Variants in AGTRAP observed in about 807,000 individuals in gnomAD.
AGTRAP encodes angiotensin II receptor associated protein.
Under a neutral mutation model 15.2 loss-of-function variants are expected in AGTRAP, and 7 were observed. The ratio of observed to expected loss-of-function variants is 0.46; its 90% CI spans 0.26 to 0.87. The LOEUF (loss-of-function observed/expected upper bound fraction) is 0.87, where lower values mean the gene tolerates loss of function less well. Among genes scored for constraint, AGTRAP ranks in the 40% least tolerant of loss-of-function variants. AGTRAP has a pLI of 0.15. For synonymous variants in AGTRAP, 74 were observed against 89.6 expected, an observed-to-expected ratio of 0.83 and a Z score of 0.98; for missense variants, 187 against 213.4, an observed-to-expected ratio of 0.88 and a Z score of 0.77.
rs1197685417 is a variant in AGTRAP, at chr1:11,750,326, G to T, written c.*134G>T. ...CCAGCTCAGGGATTGCCTGAACCAA[G>T]AGGCCAGGAGCCCCCATGGGCCGCC... On this transcript the variant is annotated 3_prime_UTR_variant, in exon 5 of 5. Transcript: ENST00000314340. The T allele has an allele frequency of 1.4e-5, 12 of 849,518 alleles. No individual in the cohort carries two copies. The highest frequency in any genetic ancestry group is 2.3e-5 in the Non-Finnish European group (12 of 521,416). 52.6% of individuals were successfully genotyped at this position (849,518 alleles called of 1,614,324 possible). A position where few individuals can be genotyped will look rare whatever the true frequency, so the allele number is the denominator to read the frequency against.
At chr1:11,744,195 A>T (rs1642104325) in intron 1 of AGTRAP, among the ~76,000 whole-genome samples, 1 of 152,166 alleles carries the variant, frequency 6.6e-6, no homozygotes. Context: ...GGATCACTTA[A>T]GCCCAGGAGT....
At chr1:11,749,472 A>G (rs1175651842) in intron 4 of AGTRAP, among the ~76,000 whole-genome samples, 1 of 152,184 alleles carries the variant, frequency 6.6e-6, no homozygotes, top group Non-Finnish European at 1.5e-5. Flanking sequence ...CAGATGAGGA[A>G]ACTGAGGCCC....
intron 1 of AGTRAP, among the ~76,000 whole-genome samples, chr1:11,741,408 G>A (rs544784284): frequency 6.6e-6 from 1 of 152,324 alleles, no homozygotes; most frequent in East Asian, 1.9e-4. Flanking sequence ...TACTGAGAGC[G>A]CAGCTCCGAA....
Position 11,750,411 on chromosome 1 carries a change from C to T in AGTRAP, c.*219C>T, listed in dbSNP as rs539371108. ...AGGCCTCCCCTCCCTTCAGGGCACC[C>T]ACTGGTTCCCAGGCTGGAACCAGGG... On this transcript the variant is annotated 3_prime_UTR_variant, in exon 5 of 5. Transcript: ENST00000314340. 90 of 613,610 alleles carry T rather than the reference C, an allele frequency of 1.5e-4. No homozygotes were observed. The South Asian group carries it at 1.6e-3, about 11-fold the overall frequency. 38.0% of individuals were successfully genotyped at this position (613,610 alleles called of 1,614,324 possible).
intron 1 of AGTRAP, among the ~76,000 whole-genome samples, chr1:11,743,238 GTCTTT>G (rs1483751920): frequency 1.3e-4 from 19 of 151,810 alleles, no homozygotes; most frequent in Admixed American, 2.0e-4. Context: ...CAAGGCATCT[GTCTTT>G]TCTTTTCTTT....
intron 1 of AGTRAP, among the ~76,000 whole-genome samples, chr1:11,743,516 G>A (rs1642083528): frequency 6.6e-6 from 1 of 151,616 alleles, no homozygotes; most frequent in Non-Finnish European, 1.5e-5. Flanking sequence ...ACAGTGCTGG[G>A]ATTACAGGGG....
chr1:11,741,892 G>C (rs1026708003), intron 1 of AGTRAP, among the ~76,000 whole-genome samples: 2 of 152,184 alleles, frequency 1.3e-5, no homozygotes, highest in East Asian at 3.8e-4. Flanking sequence ...TCAGAGTCTC[G>C]AGATCTTAAA....
At chr1:11,747,616 C>T in intron 3 of AGTRAP, 71 bp downstream of exon 3, 1 of 1,477,768 alleles carries the variant, frequency 6.8e-7, no homozygotes, top group East Asian at 2.3e-5. Context: ...CCTGGCTCTG[C>T]TACCCCGTCC....
intron 2 of AGTRAP, chr1:11,746,192 A>G (rs752558577): frequency 1.9e-6 from 3 of 1,612,902 alleles, no homozygotes; most frequent in Non-Finnish European, 2.5e-6. Context: ...GCACTTTGCA[A>G]ACTTCGAAGT....
chr1:11,750,457 C>T lies in AGTRAP; in HGVS notation c.*265C>T. ...CAGGGTCTCTCTTTACCTCCTACCC[C>T]ATGGTGGCACCACAGAGGCCCTCAG... On this transcript the variant is annotated 3_prime_UTR_variant, in exon 5 of 5. Transcript: ENST00000314340. The T allele has an allele frequency of 1.7e-6, 1 of 596,680 alleles. No homozygotes were observed. Among genetic ancestry groups the T allele is most frequent in the South Asian group, 2.0e-5 (1 of 49,532 alleles). The allele number at this position is 596,680 out of a possible 1,614,324, so 37.0% of individuals were successfully genotyped here.
chr1:11,748,266 C>T (rs1386905757), intron 3 of AGTRAP, 149 bp from the exon 4 acceptor site: 32 of 892,052 alleles, frequency 3.6e-5, no homozygotes, highest in Non-Finnish European at 4.9e-5. Flanking sequence ...AGCGGCTCCC[C>T]AGCGGGGCCC....
chr1:11,737,418 G>A (rs1401673767), intron 1 of AGTRAP, among the ~76,000 whole-genome samples: 1 of 152,206 alleles, frequency 6.6e-6, no homozygotes, highest in Non-Finnish European at 1.5e-5. Context: ...TGAGGGATTT[G>A]CTTAAAATAA....
chr1:11,748,082 G>C (rs754732010), intron 3 of AGTRAP, among the ~76,000 whole-genome samples: 32 of 152,306 alleles, frequency 2.1e-4, no homozygotes, highest in Admixed American at 3.3e-4. Flanking sequence ...GATTTTCTTT[G>C]TGTTGGAGAA....
In AGTRAP at chr1:11,745,968, G is replaced by A. The variant is rs758046392; in HGVS notation, c.62+131G>A. ...AGACAGCTCTGCCTCTCCGGGTCTT[G>A]ATTTCCGTCTGTACAATAGGCATAA... On this transcript the variant is annotated intron_variant, in intron 2 of 4. Coordinates refer to ENST00000314340, the MANE Select transcript of AGTRAP (RefSeq NM_020350.5). The surrounding 1 kb of genome is among the most constrained non-coding windows in gnomAD (Gnocchi z 4.2). 2.9e-6 allele frequency: 4 copies of A among 1,387,044 alleles called. No homozygotes were observed. The South Asian group carries it at 4.7e-5, about 16-fold the overall frequency. 85.9% of individuals were successfully genotyped at this position (1,387,044 alleles called of 1,614,324 possible).
intron 1 of AGTRAP, among the ~76,000 whole-genome samples, chr1:11,738,240 G>T (rs1409423632): frequency 6.6e-6 from 1 of 152,102 alleles, no homozygotes; most frequent in Non-Finnish European, 1.5e-5. Context: ...TATTCCTTGG[G>T]CAAGGGCTGA....
chr1:11,739,088 G>A (rs188872822), intron 1 of AGTRAP, among the ~76,000 whole-genome samples: 121 of 152,264 alleles, frequency 7.9e-4, no homozygotes, highest in African/African-American at 2.6e-3. Context: ...AGGCTTTGGG[G>A]GCAGGCAGGT....
In AGTRAP at chr1:11,745,984, A is replaced by G. The variant is rs769147514; in HGVS notation, c.62+147A>G. On this transcript the variant is annotated intron_variant, in intron 2 of 4. Coordinates refer to ENST00000314340, the MANE Select transcript of AGTRAP (RefSeq NM_020350.5). The surrounding 1 kb of genome is among the most constrained non-coding windows in gnomAD (Gnocchi z 4.2). ...CCGGGTCTTGATTTCCGTCTGTACAATAGGCATAAGGATTGCACACCCTGC... is the reference window on the plus strand; with the variant it reads ...CCGGGTCTTGATTTCCGTCTGTACAGTAGGCATAAGGATTGCACACCCTGC... 9 of 1,351,650 alleles carry G rather than the reference A, an allele frequency of 6.7e-6. No individual in the cohort carries two copies. The highest frequency in any genetic ancestry group is 9.5e-6 in the Non-Finnish European group (9 of 943,234). The allele number at this position is 1,351,650 out of a possible 1,614,324, so 83.7% of individuals were successfully genotyped here.
intron 3 of AGTRAP, 80 bp from the exon 4 acceptor site, chr1:11,748,335 G>A (rs1170627002): frequency 8.3e-5 from 123 of 1,485,574 alleles, no homozygotes; most frequent in African/African-American, 1.1e-4. Flanking sequence ...GGCATGAAAC[G>A]GCTTCCCATC....
intron 1 of AGTRAP, among the ~76,000 whole-genome samples, chr1:11,744,322 A>T (rs562847896): frequency 6.6e-6 from 1 of 152,282 alleles, no homozygotes; most frequent in African/African-American, 2.4e-5. Flanking sequence ...CCAGAAAAAT[A>T]GCCAGGGGGA....
Sources: allele counts gnomAD v4.1 joint callset (sites outside exome capture counted in the v4.1 genomes callset), GRCh38; gene constraint gnomAD v4.1.1; non-coding constraint Gnocchi (gnomAD v3.1); transcripts MANE v1.5; gene names NCBI Gene and HGNC (gene_info 2026-07-23, HGNC 2026-07-21).